Variants in WDR44 observed in about 807,000 individuals in gnomAD.
WDR44 encodes WD repeat domain 44.
A neutral mutation model predicts 65.7 loss-of-function variants in WDR44; 9 were observed. That is an observed-to-expected ratio of 0.14 (90% CI 0.08 to 0.24). WDR44 has a LOEUF of 0.24. Ranked by LOEUF, WDR44 falls within the 10% of genes least tolerant of loss-of-function variation. The probability of loss-of-function intolerance (pLI) is 1.00; values close to 1 mark genes in which losing one functional copy is unlikely to be tolerated. For synonymous variants in WDR44, 220 were observed against 235.2 expected, an observed-to-expected ratio of 0.94 and a Z score of 0.59; for missense variants, 425 against 670.9, an observed-to-expected ratio of 0.63 and a Z score of 4.05.
chrX:118,369,763 A>G (rs1223434190), intron 1 of WDR44, among the ~76,000 whole-genome samples: 3 of 112,129 alleles, frequency 2.7e-5, no homozygotes, highest in Non-Finnish European at 5.6e-5. Flanking sequence ...TACCACGTCC[A>G]GCCGAAAATA....
At chrX:118,381,576 C>CTTTTTT (rs371445545) in intron 2 of WDR44, among the ~76,000 whole-genome samples, 2 of 87,167 alleles carry the variant, frequency 2.3e-5, no homozygotes, top group African/African-American at 9.3e-5. Flanking sequence ...GTTCTTTCTT[C>CTTTTTT]TTTTTTTTTT....
Position 118,394,091 on chromosome X carries a change from C to T in WDR44, c.863C>T (p.Thr288Ile). The T allele has an allele frequency of 8.3e-7, 1 of 1,211,137 alleles. No homozygotes were observed. The highest frequency in any genetic ancestry group is 1.1e-6 in the Non-Finnish European group (1 of 894,978). Residue 288 changes from threonine to isoleucine, a missense_variant, in exon 5 of 20, where the codon ACC becomes ATC. Thr to Ile is a moderately conservative substitution (Grantham distance 89). This residue lies in a region of WDR44 where 193 missense variants were observed against 209.0 expected (regional missense o/e 0.92). Coordinates refer to ENST00000254029, the MANE Select transcript of WDR44 (RefSeq NM_019045.5). The part of the protein sequence containing the change: ...KENITSDSLL[T>I]ASMASESTVK... ...AATATTACGTCTGATTCTCTCCTAA[C>T]CGCAAGCATGGCTTCAGAAAGTACG...
chrX:118,444,887 A>G (rs1416232945), intron 19 of WDR44: 5 of 318,442 alleles, frequency 1.6e-5, no homozygotes, highest in Middle Eastern at 5.1e-4. Flanking sequence ...GGCATGAGCC[A>G]CCAAAGAATA....
intron 3 of WDR44, among the ~76,000 whole-genome samples, chrX:118,388,762 C>T (rs1602907198): frequency 9.0e-6 from 1 of 111,579 alleles, no homozygotes; most frequent in African/African-American, 3.3e-5. Flanking sequence ...TTCAGCATTT[C>T]CTTCTGGTCC....
chrX:118,349,742 G>T (rs1004100565), intron 1 of WDR44, among the ~76,000 whole-genome samples: 4 of 110,390 alleles, frequency 3.6e-5, no homozygotes, highest in African/African-American at 6.6e-5. Context: ...GAGAGACGGG[G>T]TTTCACCATG....
chrX:118,441,777 G>C (rs748878345), intron 15 of WDR44, among the ~76,000 whole-genome samples: 1 of 111,526 alleles, frequency 9.0e-6, no homozygotes, highest in Admixed American at 9.6e-5. Context: ...GTCTCACTCT[G>C]TTGCCCAGGA....
chrX:118,366,671 TTATATATAA>T (rs1330854411), intron 1 of WDR44, among the ~76,000 whole-genome samples: 8 of 111,047 alleles, frequency 7.2e-5, no homozygotes, highest in Non-Finnish European at 1.3e-4. Flanking sequence ...TAACAGCATG[TTATATATAA>T]TATATATAAT....
chrX:118,406,082 A>G (rs1165004193), intron 9 of WDR44, among the ~76,000 whole-genome samples: 2 of 111,866 alleles, frequency 1.8e-5, no homozygotes, highest in Non-Finnish European at 3.8e-5. Context: ...CAGGGCTGCA[A>G]TGAGCTATGA....
Position 118,410,972 on chromosome X carries a change from T to C in WDR44, c.1737+13T>C. 1 of 1,152,602 alleles carries C rather than the reference T, an allele frequency of 8.7e-7. No individual in the cohort carries two copies. 95.0% of individuals were successfully genotyped at this position (1,152,602 alleles called of 1,213,427 possible). On this transcript the variant is annotated intron_variant, in intron 12 of 19. Coordinates refer to ENST00000254029, the MANE Select transcript of WDR44 (RefSeq NM_019045.5). ...TACAGATACAGGGGTATGCTTATTG[T>C]TTTATGGTTACTCTGTTTTCAGGTA...
At chrX:118,378,945 G>A (rs1012876795) in intron 2 of WDR44, among the ~76,000 whole-genome samples, 6 of 108,735 alleles carry the variant, frequency 5.5e-5, no homozygotes, top group African/African-American at 2.0e-4. Context: ...TTGGGAGACT[G>A]AGGCAGGAGA....
intron 8 of WDR44, among the ~76,000 whole-genome samples, chrX:118,403,423 C>T (rs533664731): frequency 1.8e-5 from 2 of 111,627 alleles, no homozygotes; most frequent in African/African-American, 3.3e-5. Context: ...GAGCTTGGCA[C>T]ATTTAAAAAG....
At chrX:118,429,804 G>A (rs749152500) in intron 12 of WDR44, among the ~76,000 whole-genome samples, 14 of 110,046 alleles carry the variant, frequency 1.3e-4, no homozygotes, top group Non-Finnish European at 1.3e-4. Context: ...CACCACGCCC[G>A]GCTAATTTTT....
intron 1 of WDR44, among the ~76,000 whole-genome samples, chrX:118,369,680 G>C (rs957236050): frequency 1.0e-4 from 11 of 109,275 alleles, no homozygotes; most frequent in African/African-American, 3.7e-4. Flanking sequence ...GTGTTAGCCA[G>C]GATGGTCTCA....
rs753951572 is a variant in WDR44 at position 118,360,083 on chromosome X, C to T, written c.77+13503C>T. Among the ~76,000 whole-genome samples, 102 of 111,761 alleles carry T rather than the reference C, an allele frequency of 9.1e-4. 1 individual carries two copies. Among genetic ancestry groups the T allele is most frequent in the Non-Finnish European group, 1.3e-3 (71 of 53,142 alleles). ...TGGTATTATCACTTTTGGTAGTAGT[C>T]AACTTAAAATTATTAGTAGTCAACT... On this transcript the variant is annotated intron_variant, in intron 1 of 19. Transcript: ENST00000254029.
chrX:118,355,687 T>C (rs1421578456), intron 1 of WDR44, among the ~76,000 whole-genome samples: 2 of 111,849 alleles, frequency 1.8e-5, no homozygotes, highest in East Asian at 2.8e-4. Flanking sequence ...TCCACAGTTA[T>C]GTCTAGCAGT....
chrX:118,348,388 A>T (rs1352094135), intron 1 of WDR44, among the ~76,000 whole-genome samples: 1 of 112,178 alleles, frequency 8.9e-6, no homozygotes, highest in African/African-American at 3.2e-5. Context: ...GAGATAATAC[A>T]GCTTCTCAAG....
In WDR44 at chrX:118,392,344, G is replaced by T. The variant is rs187591766; in HGVS notation, c.187-288G>T. Among the ~76,000 whole-genome samples the T allele has an allele frequency of 4.6e-3, 510 of 111,897 alleles. 2 individuals are homozygous for T. Among genetic ancestry groups the T allele is most frequent in the African/African-American group, 0.016 (486 of 30,846 alleles). ...TGTACCTAAGTATTAACACAAATTT[G>T]CTATTATGAGGGTTAAGAGTATAGA... On this transcript the variant is annotated intron_variant, in intron 3 of 19. Coordinates refer to ENST00000254029, the MANE Select transcript of WDR44 (RefSeq NM_019045.5).
chrX:118,418,943 T>A (rs1015892799), intron 12 of WDR44, among the ~76,000 whole-genome samples: 3 of 110,414 alleles, frequency 2.7e-5, no homozygotes, highest in Non-Finnish European at 5.7e-5. Context: ...TGCTGAGTCA[T>A]GCAGGTTGTC....
intron 6 of WDR44, among the ~76,000 whole-genome samples, chrX:118,395,758 C>A (rs184778164): frequency 1.8e-5 from 2 of 111,607 alleles, no homozygotes; most frequent in Admixed American, 1.9e-4. Context: ...TGTGGTGGCT[C>A]ACTCCTGTAA....
Sources: allele counts gnomAD v4.1 joint callset (sites outside exome capture counted in the v4.1 genomes callset), GRCh38; gene constraint gnomAD v4.1.1; regional missense constraint gnomAD v4.1.1; transcripts MANE v1.5; gene names NCBI Gene and HGNC (gene_info 2026-07-23, HGNC 2026-07-21).